The following SMOC2 variants were observed in gnomAD, a reference collection of about 807,000 sequenced individuals.
The protein encoded by SMOC2 is SPARC-related modular calcium-binding protein 2.
A neutral mutation model predicts 61.4 loss-of-function variants in SMOC2; 39 were observed. The ratio of observed to expected loss-of-function variants is 0.64; its 90% CI spans 0.49 to 0.83. The LOEUF (loss-of-function observed/expected upper bound fraction) is 0.83, where lower values mean the gene tolerates loss of function less well. SMOC2 is among the 40% of genes least tolerant of loss of function. The pLI, the probability that SMOC2 is intolerant of heterozygous loss-of-function variation, is 0.00. For synonymous variants in SMOC2, 247 were observed against 239.9 expected (o/e 1.03, Z -0.27); for missense variants, 556 against 592.9 (o/e 0.94, Z 0.65).
chr6:168,600,441 A>AAAC (rs1562374023), intron 8 of SMOC2, among the ~76,000 whole-genome samples: 5 of 127,068 alleles, frequency 3.9e-5, no homozygotes, highest in African/African-American at 8.9e-5. Flanking sequence ...AAACAAAAAA[A>AAAC]AAAACAGTAG....
intron 7 of SMOC2, among the ~76,000 whole-genome samples, chr6:168,577,276 G>A (rs1784825993): frequency 1.3e-5 from 2 of 152,006 alleles, no homozygotes; most frequent in African/African-American, 4.8e-5. Flanking sequence ...GCTGGACCAG[G>A]ATGCTTGTTC....
chr6:168,569,393 G>A (rs889705121), intron 7 of SMOC2, among the ~76,000 whole-genome samples: 1 of 151,856 alleles, frequency 6.6e-6, no homozygotes, highest in African/African-American at 2.4e-5. Flanking sequence ...TTTAATTGTT[G>A]AATTTTAAGT....
chr6:168,615,171 C>T (rs1373987873), intron 9 of SMOC2, among the ~76,000 whole-genome samples: 1 of 63,386 alleles, frequency 1.6e-5, no homozygotes, highest in Non-Finnish European at 3.0e-5. Flanking sequence ...ACAGCCAGCA[C>T]AGGGCCTCTT....
intron 2 of SMOC2, among the ~76,000 whole-genome samples, chr6:168,523,105 G>A (rs1245705635): frequency 1.0e-4 from 2 of 20,016 alleles, no homozygotes; most frequent in Non-Finnish European, 3.8e-4. Context: ...TTTTTGAGAC[G>A]GAGTCTCGCT....
At chr6:168,568,936 G>A in intron 7 of SMOC2, among the ~76,000 whole-genome samples, 1 of 152,158 alleles carries the variant, frequency 6.6e-6, no homozygotes, top group Admixed American at 6.5e-5. Flanking sequence ...ATGCACCATA[G>A]TTCATCTGTT....
At chr6:168,444,910 T>C (rs1781297901) in intron 1 of SMOC2, among the ~76,000 whole-genome samples, 1 of 152,174 alleles carries the variant, frequency 6.6e-6, no homozygotes. Context: ...TTCCCAGAAG[T>C]TTTTGGTTAG....
rs1040997077 is a variant in SMOC2, at chr6:168,533,425, C to T, written c.463+5698C>T. 4.6e-5 allele frequency among the ~76,000 whole-genome samples: 7 copies of T among 152,236 alleles called. 1 individual carries two copies. The highest frequency in any genetic ancestry group is 4.6e-4 in the Admixed American group (7 of 15,290). On this transcript the variant is annotated intron_variant, in intron 4 of 12. Transcript: ENST00000356284. ...TCCTAAATGACTTCAGAAAAAAATA[C>T]ACTTCATAAGCCAAAGCTAACTGAA...
intron 12 of SMOC2, chr6:168,665,070 ATC>A (rs1787626427): frequency 3.5e-6 from 1 of 285,504 alleles, no homozygotes; most frequent in East Asian, 1.1e-4. Context: ...TTAACTTTAA[ATC>A]TCACCGCAAA....
At chr6:168,458,030 G>A (rs1562538786) in intron 1 of SMOC2, among the ~76,000 whole-genome samples, 1 of 152,122 alleles carries the variant, frequency 6.6e-6, no homozygotes, top group Non-Finnish European at 1.5e-5. Context: ...TGGAATCAAC[G>A]CAACCTGGGC....
Position 168,553,923 on chromosome 6 carries a change from G to A in SMOC2, c.637+4720G>A, listed in dbSNP as rs1291516489. ...CGATTAAAACTTGCTTTTGAACTGC[G>A]TGTGCTGTGCATGGTGCCCCTTCCC... is the stretch of plus-strand genomic sequence containing the variant. On this transcript the variant is annotated intron_variant, in intron 7 of 12. Transcript: ENST00000356284. This position sits in a 1 kb window ranked among gnomAD's most constrained non-coding sequence, Gnocchi z 4.2. Among the ~76,000 whole-genome samples, 3 of 151,398 alleles carry A rather than the reference G, an allele frequency of 2.0e-5. No homozygotes were observed. Among genetic ancestry groups the A allele is most frequent in the Non-Finnish European group, 2.9e-5 (2 of 68,014 alleles).
intron 9 of SMOC2, among the ~76,000 whole-genome samples, chr6:168,609,086 A>G (rs998737775): frequency 2.6e-5 from 4 of 152,230 alleles, no homozygotes; most frequent in Admixed American, 6.5e-5. Context: ...CAGAATGTCC[A>G]CAGTCTATAC....
chr6:168,453,959 C>G lies in SMOC2; in HGVS notation c.84+12505C>G, dbSNP rs866347035. Among the ~76,000 whole-genome samples, 1 of 151,978 alleles carries G rather than the reference C, an allele frequency of 6.6e-6. No homozygotes were observed. Among genetic ancestry groups the G allele is most frequent in the South Asian group, 2.1e-4 (1 of 4,816 alleles). On this transcript the variant is annotated intron_variant, in intron 1 of 12. Coordinates refer to ENST00000356284, the MANE Select transcript of SMOC2 (RefSeq NM_001166412.2). This position sits in a 1 kb window ranked among gnomAD's most constrained non-coding sequence, Gnocchi z 4.4. ...CTATCTTTGGTCTCTGCCATTCTCC[C>G]TCTCTGTTTTGTCTATCTTTCTTTG...
chr6:168,500,309 GAAGAAAA>G (rs1489339446), intron 1 of SMOC2, among the ~76,000 whole-genome samples: 11 of 147,892 alleles, frequency 7.4e-5, no homozygotes, highest in South Asian at 4.3e-4. Flanking sequence ...AAAAAAAGAA[GAAGAAAA>G]AAGAAAAAAG....
At chr6:168,638,488 G>A (rs1176099558) in intron 9 of SMOC2, among the ~76,000 whole-genome samples, 2 of 152,176 alleles carry the variant, frequency 1.3e-5, no homozygotes, top group Non-Finnish European at 2.9e-5. Context: ...GGTGGGAGGT[G>A]GGTTTTAGCC....
At chr6:168,582,497 C>T (rs1467991976) in intron 7 of SMOC2, among the ~76,000 whole-genome samples, 3 of 152,112 alleles carry the variant, frequency 2.0e-5, no homozygotes, top group Non-Finnish European at 2.9e-5. Flanking sequence ...GCAAAGGAGG[C>T]CGAGGGAGTG....
At chr6:168,484,776 AAAT>A (rs1782291167) in intron 1 of SMOC2, among the ~76,000 whole-genome samples, 1 of 152,264 alleles carries the variant, frequency 6.6e-6, no homozygotes, top group African/African-American at 2.4e-5. Context: ...AAATGAAGAA[AAAT>A]AATCCTGACA....
At chr6:168,449,053 G>A (rs1272338408) in intron 1 of SMOC2, among the ~76,000 whole-genome samples, 1 of 151,694 alleles carries the variant, frequency 6.6e-6, no homozygotes, top group Admixed American at 6.6e-5. Context: ...TTCTTTCTTC[G>A]CTCACATGGA....
intron 9 of SMOC2, among the ~76,000 whole-genome samples, chr6:168,649,091 C>T (rs1322555): frequency 0.85 from 128,450 of 151,952 alleles, 54,640 homozygotes; most frequent in African/African-American, 0.87. Flanking sequence ...AGAGAGCCCT[C>T]CTCATCTCAG....
At chr6:168,481,601 A>G (rs1250780573) in intron 1 of SMOC2, among the ~76,000 whole-genome samples, 1 of 152,100 alleles carries the variant, frequency 6.6e-6, no homozygotes, top group East Asian at 1.9e-4. Context: ...CATGCAGGAA[A>G]TGAGGGACAA....
Sources: allele counts gnomAD v4.1 joint callset (sites outside exome capture counted in the v4.1 genomes callset), GRCh38; gene constraint gnomAD v4.1.1; non-coding constraint Gnocchi (gnomAD v3.1); transcripts MANE v1.5; gene names NCBI Gene and HGNC (gene_info 2026-07-23, HGNC 2026-07-21).